EPB41L5: variants seen among roughly 807,000 people sequenced by gnomAD.
The protein encoded by EPB41L5 is band 4.1-like protein 5.
Under a neutral mutation model 106.6 loss-of-function variants are expected in EPB41L5, and 55 were observed. That is an observed-to-expected ratio of 0.52 (90% CI 0.42 to 0.65). The LOEUF is 0.65. Ranked by LOEUF, EPB41L5 falls within the 30% of genes least tolerant of loss-of-function variation. The pLI is 0.00. For synonymous variants in EPB41L5, 297 were observed against 306.7 expected (o/e 0.97, Z 0.33); for missense variants, 871 against 882.1 (o/e 0.99, Z 0.16).
intron 2 of EPB41L5, among the ~76,000 whole-genome samples, chr2:120,036,710 A>G (rs1395913816): frequency 1.3e-5 from 2 of 152,176 alleles, no homozygotes; most frequent in African/African-American, 2.4e-5. Context: ...GGACCAAAGG[A>G]AAATACTAGG....
rs987606554 is a variant in EPB41L5, at chr2:120,178,856, A to G, written c.*3949A>G. On this transcript the variant is annotated 3_prime_UTR_variant, in exon 25 of 25. Coordinates refer to ENST00000263713, the MANE Select transcript of EPB41L5 (RefSeq NM_020909.4). Reference sequence around the variant, plus strand: ...AGAGAGATTTTTTTTTATAGCACAGATTCCTTTGCCCCTTTTATCTCCTTA... The same window carrying G: ...AGAGAGATTTTTTTTTATAGCACAGGTTCCTTTGCCCCTTTTATCTCCTTA... 1.5e-4 allele frequency: 23 copies of G among 152,270 alleles called. No homozygotes were observed. Among genetic ancestry groups the G allele is most frequent in the Admixed American group, 1.5e-3 (23 of 15,294 alleles). The allele number at this position is 152,270 out of a possible 1,614,324, so 9.4% of individuals were successfully genotyped here.
chr2:120,104,459 A>G, intron 16 of EPB41L5: 1 of 1,301,408 alleles, frequency 7.7e-7, no homozygotes, highest in South Asian at 2.1e-5. Flanking sequence ...TTTGTGTTGA[A>G]AAGAGTGTGT....
intron 12 of EPB41L5, among the ~76,000 whole-genome samples, chr2:120,091,342 A>G (rs1406006694): frequency 2.0e-5 from 3 of 152,252 alleles, no homozygotes; most frequent in African/African-American, 7.2e-5. Flanking sequence ...CATGCATATG[A>G]GAAAAATAAA....
At chr2:120,117,711 C>T (rs1685014520) in intron 16 of EPB41L5, among the ~76,000 whole-genome samples, 1 of 152,036 alleles carries the variant, frequency 6.6e-6, no homozygotes, top group African/African-American at 2.4e-5. Flanking sequence ...GGACACAGAC[C>T]CGTGAAACCA....
At chr2:120,108,234 T>C (rs530014036) in intron 16 of EPB41L5, 1 of 152,114 alleles carries the variant, frequency 6.6e-6, no homozygotes, top group Non-Finnish European at 1.5e-5. Flanking sequence ...TATATTGGCA[T>C]GGAAAAGAGA....
At chr2:120,015,098 C>T (rs1216523783) in intron 1 of EPB41L5, among the ~76,000 whole-genome samples, 22 of 149,474 alleles carry the variant, frequency 1.5e-4, no homozygotes, top group Non-Finnish European at 2.8e-4. Context: ...CCGAGGCGGG[C>T]GGATCACGAG....
At chr2:120,059,697 G>T (rs1044010809) in intron 3 of EPB41L5, among the ~76,000 whole-genome samples, 25 of 152,180 alleles carry the variant, frequency 1.6e-4, no homozygotes, top group African/African-American at 5.8e-4. Context: ...GAGCTCAGGA[G>T]TTCAAGACTA....
At chr2:120,057,731 G>A (rs1391875256) in intron 3 of EPB41L5, among the ~76,000 whole-genome samples, 4 of 114,798 alleles carry the variant, frequency 3.5e-5, no homozygotes, top group Non-Finnish European at 5.9e-5. Context: ...TCTTGATGAA[G>A]GCTTAGGGAA....
chr2:120,039,542 G>A (rs937326078), intron 2 of EPB41L5, among the ~76,000 whole-genome samples: 1 of 152,056 alleles, frequency 6.6e-6, no homozygotes, highest in African/African-American at 2.4e-5. Flanking sequence ...AAGTAATTTT[G>A]TGGCCAGGCG....
chr2:120,173,572 A>G (rs1295485690), intron 24 of EPB41L5, among the ~76,000 whole-genome samples: 1 of 152,216 alleles, frequency 6.6e-6, no homozygotes, highest in Non-Finnish European at 1.5e-5. Context: ...TTGTCCCTCA[A>G]AGTAGGAATA....
At chr2:120,118,519 C>A (rs1685058072) in intron 16 of EPB41L5, among the ~76,000 whole-genome samples, 1 of 152,090 alleles carries the variant, frequency 6.6e-6, no homozygotes, top group Non-Finnish European at 1.5e-5. Flanking sequence ...CCCCCACACC[C>A]CCGACAGGCC....
intron 17 of EPB41L5, among the ~76,000 whole-genome samples, chr2:120,131,303 G>A (rs1461804171): frequency 1.3e-5 from 2 of 152,196 alleles, no homozygotes; most frequent in Non-Finnish European, 2.9e-5. Flanking sequence ...TGTCACAAGT[G>A]TTCTGTGCCT....
chr2:120,099,191 T>G (rs1187016439), intron 14 of EPB41L5, among the ~76,000 whole-genome samples: 4 of 152,200 alleles, frequency 2.6e-5, no homozygotes, highest in Non-Finnish European at 5.9e-5. Context: ...ATTTTTTACA[T>G]TAGTTGAATT....
chr2:120,174,653 A>G (rs1435015019), intron 24 of EPB41L5, among the ~76,000 whole-genome samples, 188 bp from the exon 25 acceptor site: 1 of 152,234 alleles, frequency 6.6e-6, no homozygotes, highest in East Asian at 1.9e-4. Flanking sequence ...AAATGAAATA[A>G]GCAGTGTTTA....
At chr2:120,065,336 G>T (rs1681374205) in intron 3 of EPB41L5, among the ~76,000 whole-genome samples, 1 of 151,762 alleles carries the variant, frequency 6.6e-6, no homozygotes, top group African/African-American at 2.4e-5. Context: ...GCCCAGGTTG[G>T]TCTCAAACTC....
intron 3 of EPB41L5, among the ~76,000 whole-genome samples, chr2:120,061,324 G>T (rs1438090711): frequency 6.8e-6 from 1 of 147,924 alleles, no homozygotes; most frequent in Non-Finnish European, 1.5e-5. Flanking sequence ...CCGGGTTCAC[G>T]CCATTCTCCT....
intron 3 of EPB41L5, among the ~76,000 whole-genome samples, chr2:120,071,066 C>T (rs946492375): frequency 4.6e-5 from 7 of 152,286 alleles, no homozygotes; most frequent in Admixed American, 4.6e-4. Flanking sequence ...TTGCAGATGA[C>T]ATGATTGTAT....
chr2:120,172,829 C>T (rs1433640043), intron 24 of EPB41L5, among the ~76,000 whole-genome samples: 1 of 152,108 alleles, frequency 6.6e-6, no homozygotes, highest in African/African-American at 2.4e-5. Context: ...TATAGAGTTG[C>T]AGAAAGGATT....
intron 24 of EPB41L5, among the ~76,000 whole-genome samples, chr2:120,170,558 C>G (rs943454747): frequency 2.0e-5 from 3 of 152,224 alleles, no homozygotes; most frequent in Non-Finnish European, 4.4e-5. Flanking sequence ...TAGTTCCTTA[C>G]TTTATTCTAG....
Sources: gnomAD v4.1 joint callset for allele counts (sites outside exome capture counted in the v4.1 genomes callset) on GRCh38, gnomAD v4.1.1 for gene constraint, MANE v1.5 for transcripts, NCBI Gene and HGNC (gene_info 2026-07-23, HGNC 2026-07-21) for gene names.